The following NID1 variants were observed in gnomAD, a reference collection of about 807,000 sequenced individuals.
NID1 encodes nidogen-1.
Under a neutral mutation model 130.6 loss-of-function variants are expected in NID1, and 76 were observed. The observed-to-expected ratio is 0.58, with a 90% CI of 0.48 to 0.70. NID1 has a LOEUF of 0.70. NID1 is among the 30% of genes least tolerant of loss of function. The pLI is 0.00. For synonymous variants in NID1, 665 were observed against 675.1 expected, an observed-to-expected ratio of 0.98 and a Z score of 0.23; for missense variants, 1,517 against 1,664.8, an observed-to-expected ratio of 0.91 and a Z score of 1.54.
chr1:236,053,584 T>C (rs1000628598), intron 1 of NID1, among the ~76,000 whole-genome samples: 2 of 152,112 alleles, frequency 1.3e-5, no homozygotes, highest in African/African-American at 4.8e-5. Flanking sequence ...CACTCTTTTT[T>C]CCCTTCCCTC....
At chr1:235,987,613 C>T (rs1657612273) in intron 14 of NID1, among the ~76,000 whole-genome samples, 1 of 152,176 alleles carries the variant, frequency 6.6e-6, no homozygotes, top group Non-Finnish European at 1.5e-5. Flanking sequence ...ATGATCTCAG[C>T]ATGTGGTGAG....
chr1:235,987,340 C>G lies in NID1; in HGVS notation c.2929-1835G>C, dbSNP rs1054573142. Among the ~76,000 whole-genome samples the G allele has an allele frequency of 1.2e-4, 18 of 152,276 alleles. 1 individual carries two copies. Among genetic ancestry groups the G allele is most frequent in the Admixed American group, 7.2e-4 (11 of 15,292 alleles). ...CTGCCCATAGGTTGATTTGGCAAAG[C>G]CTTGTCGAGATCTTTTGCAAATTAA... On this transcript the variant is annotated intron_variant, in intron 14 of 19. Transcript: ENST00000264187.
At chr1:236,049,100 C>T (rs1659694244) in intron 1 of NID1, 111 bp from the exon 2 acceptor site, 2 of 1,137,608 alleles carry the variant, frequency 1.8e-6, no homozygotes, top group South Asian at 2.9e-5. Flanking sequence ...GTGTAGAATA[C>T]AACAGAATCT....
intron 7 of NID1, among the ~76,000 whole-genome samples, chr1:236,026,465 T>C (rs1187261494): frequency 6.6e-6 from 1 of 152,186 alleles, no homozygotes; most frequent in Non-Finnish European, 1.5e-5. Flanking sequence ...GACACACACT[T>C]GGAAAGAGAC....
chr1:235,993,628 G>A lies in NID1; in HGVS notation c.2755+17C>T, dbSNP rs747930493. 6.6e-7 allele frequency: 1 copy of A among 1,517,428 alleles called. No homozygotes were observed. The highest frequency in any genetic ancestry group is 8.9e-7 in the Non-Finnish European group (1 of 1,125,352). The allele number at this position is 1,517,428 out of a possible 1,614,324, so 94.0% of individuals were successfully genotyped here. On this transcript the variant is annotated intron_variant, in intron 13 of 19. Transcript: ENST00000264187. ...CCTTCTCAGGCACACGCCCAAGCAC[G>A]GCCTGCACCCACTTACACGGGGGCG...
intron 1 of NID1, among the ~76,000 whole-genome samples, chr1:236,063,462 ACT>A (rs1660097822): frequency 7.3e-6 from 1 of 137,316 alleles, no homozygotes; most frequent in African/African-American, 2.6e-5. Context: ...ATAGAGAGAG[ACT>A]CTGTCTCAAA....
intron 5 of NID1, among the ~76,000 whole-genome samples, chr1:236,034,962 G>A (rs553219975): frequency 2.7e-5 from 4 of 147,806 alleles, no homozygotes; most frequent in South Asian, 4.3e-4. Flanking sequence ...ACAGGTTCTC[G>A]GCAGAGTTTT....
chr1:236,000,082 T>C (rs1172751007), intron 12 of NID1, among the ~76,000 whole-genome samples: 2 of 151,966 alleles, frequency 1.3e-5, no homozygotes, highest in Non-Finnish European at 2.9e-5. Context: ...GGCGTGGTGA[T>C]GGGCGCCTGT....
chr1:236,049,848 G>C (rs1255465596), intron 1 of NID1, among the ~76,000 whole-genome samples: 1 of 151,330 alleles, frequency 6.6e-6, no homozygotes, highest in Non-Finnish European at 1.5e-5. Context: ...GACCAGCCTG[G>C]CCAACATGGT....
At chr1:236,017,303 C>T (rs1272063940) in intron 9 of NID1, 30 bp from the exon 10 acceptor site, 1 of 1,607,052 alleles carries the variant, frequency 6.2e-7, no homozygotes, top group Non-Finnish European at 8.5e-7. Context: ...TTACTGCAGG[C>T]TTTTTTTTAA....
intron 9 of NID1, among the ~76,000 whole-genome samples, chr1:236,023,238 T>C (rs1474018389): frequency 1.3e-5 from 2 of 152,044 alleles, no homozygotes; most frequent in African/African-American, 4.8e-5. Flanking sequence ...GATGGATGGA[T>C]AAACAAAATG....
intron 12 of NID1, among the ~76,000 whole-genome samples, chr1:236,003,076 G>GACTAGTAGTTGTCACTCCT (rs1658126449): frequency 6.7e-6 from 1 of 148,398 alleles, no homozygotes; most frequent in Non-Finnish European, 1.5e-5. Flanking sequence ...CCTAGTGAAC[G>GACTAGTAGTTGTCACTCCT]AGTGGTAGTT....
chr1:236,037,169 A>C (rs560469916), intron 5 of NID1, among the ~76,000 whole-genome samples: 32 of 152,252 alleles, frequency 2.1e-4, no homozygotes, highest in Non-Finnish European at 4.0e-4. Flanking sequence ...ACATTGGCCC[A>C]TAGCCGAATC....
Position 235,993,890 on chromosome 1 carries a change from A to T in NID1, c.2528-18T>A. The T allele has an allele frequency of 1.9e-6, 3 of 1,598,948 alleles. No individual in the cohort carries two copies. The highest frequency in any genetic ancestry group is 2.6e-6 in the Non-Finnish European group (3 of 1,167,792). On this transcript the variant is annotated intron_variant, in intron 12 of 19. Transcript: ENST00000264187. Reference sequence around the variant, plus strand: ...CTCCACCTCTATCAGAGAAACAGGCAACAAGAAAGCTGTCAGGTGCGTCAT... The same window carrying T: ...CTCCACCTCTATCAGAGAAACAGGCTACAAGAAAGCTGTCAGGTGCGTCAT...
rs560262432 is a variant in NID1, at chr1:236,000,868, A to G, written c.2528-6996T>C. ...AGAGGGGAGGTGCTCACAGATGTCA[A>G]GACTCTCTGGAAAGAGACGACATGC... On this transcript the variant is annotated intron_variant, in intron 12 of 19. Transcript: ENST00000264187. Among the ~76,000 whole-genome samples the G allele has an allele frequency of 2.6e-5, 4 of 152,346 alleles. No individual in the cohort carries two copies. In the East Asian group the frequency reaches 7.7e-4, roughly 29 times the overall value.
At chr1:235,998,366 G>T (rs1300549808) in intron 12 of NID1, among the ~76,000 whole-genome samples, 1 of 152,156 alleles carries the variant, frequency 6.6e-6, no homozygotes, top group Non-Finnish European at 1.5e-5. Context: ...ATACAAGCAA[G>T]CCATCTGGTT....
chr1:235,986,237 G>T (rs552169543), intron 14 of NID1, among the ~76,000 whole-genome samples: 4 of 151,996 alleles, frequency 2.6e-5, no homozygotes, highest in Non-Finnish European at 4.4e-5. Flanking sequence ...GAAATAAAAG[G>T]CATACATATT....
At chr1:236,040,664 T>TA (rs941810420) in intron 4 of NID1, among the ~76,000 whole-genome samples, 2 of 149,154 alleles carry the variant, frequency 1.3e-5, no homozygotes, top group African/African-American at 4.9e-5. Flanking sequence ...TGGAACATCT[T>TA]TTTTTTTTTT....
chr1:236,002,124 G>A (rs1486896934), intron 12 of NID1, among the ~76,000 whole-genome samples: 1 of 152,242 alleles, frequency 6.6e-6, no homozygotes, highest in African/African-American at 2.4e-5. Context: ...GGGAGAAGCG[G>A]CTGGCTGTGG....
Sources: allele counts gnomAD v4.1 joint callset (sites outside exome capture counted in the v4.1 genomes callset), GRCh38; gene constraint gnomAD v4.1.1; transcripts MANE v1.5; gene names NCBI Gene and HGNC (gene_info 2026-07-23, HGNC 2026-07-21).